Variants in KCNA3 observed in about 807,000 individuals in gnomAD.
KCNA3 encodes potassium voltage-gated channel subfamily A member 3.
KCNA3 carries 18 observed loss-of-function variants against 34.3 expected under a neutral mutation model. That is an observed-to-expected ratio of 0.52 (90% confidence interval 0.36 to 0.78). KCNA3 has a LOEUF of 0.78. KCNA3 is among the 30% of genes least tolerant of loss of function. The pLI, the probability that KCNA3 is intolerant of heterozygous loss-of-function variation, is 0.00. For missense variants in KCNA3, 587 were observed against 802.5 expected, an observed-to-expected ratio of 0.73 and a Z score of 3.24; for synonymous variants, 324 against 351.7, an observed-to-expected ratio of 0.92 and a Z score of 0.88.
the KCNA3 span, among the ~76,000 whole-genome samples, chr1:110,658,216 C>T: frequency 6.6e-6 from 1 of 152,158 alleles, no homozygotes; most frequent in Non-Finnish European, 1.5e-5. Flanking sequence ...GTTACTGATT[C>T]TCATACAATG....
In KCNA3 at chr1:110,672,942, G is replaced by A. The variant is rs1019643501; in HGVS notation, c.*140C>T. Reference sequence around the variant, plus strand: ...GTTTCAGTATGAAGCAGCAGGGAGAGGGAGAATGAAGTGTGCTTTCCACTT... The same window carrying A: ...GTTTCAGTATGAAGCAGCAGGGAGAAGGAGAATGAAGTGTGCTTTCCACTT... On this transcript the variant is annotated 3_prime_UTR_variant, in exon 1 of 1. Transcript: ENST00000369769. The A allele has an allele frequency of 1.2e-6, 1 of 837,228 alleles. No homozygotes were observed. Among genetic ancestry groups the A allele is most frequent in the Admixed American group, 2.5e-5 (1 of 39,594 alleles). The allele number at this position is 837,228 out of a possible 1,614,324, so 51.9% of individuals were successfully genotyped here.
the KCNA3 span, among the ~76,000 whole-genome samples, chr1:110,657,659 C>G: frequency 6.6e-6 from 1 of 152,118 alleles, no homozygotes; most frequent in African/African-American, 2.4e-5. Flanking sequence ...GAAACTGTAA[C>G]CTGTAATAAT....
the KCNA3 span, among the ~76,000 whole-genome samples, chr1:110,665,127 T>C: frequency 6.6e-6 from 1 of 152,188 alleles, no homozygotes; most frequent in African/African-American, 2.4e-5. Context: ...CTGTGTGAAA[T>C]GGGGTGCCAA....
chr1:110,673,028 C>G lies in KCNA3; in HGVS notation c.*54G>C, dbSNP rs1651944115. ...GTATAAAACAAGGGCATAGGCAGAC[C>G]AAGGGGGCACGTTCCACACAATACT... On this transcript the variant is annotated 3_prime_UTR_variant, in exon 1 of 1. Coordinates refer to ENST00000369769, the MANE Select transcript of KCNA3 (RefSeq NM_002232.5). The surrounding 1 kb of genome is among the most constrained non-coding windows in gnomAD (Gnocchi z 8.8). The G allele has an allele frequency of 2.0e-6, 3 of 1,529,310 alleles. No individual in the cohort carries two copies. In the Admixed American group the frequency reaches 5.5e-5, roughly 28 times the overall value. 94.7% of individuals were successfully genotyped at this position (1,529,310 alleles called of 1,614,324 possible). A position where few individuals can be genotyped will look rare whatever the true frequency, so the allele number is the denominator to read the frequency against.
chr1:110,669,123 T>C (rs563377113), downstream of KCNA3, among the ~76,000 whole-genome samples: 8 of 152,314 alleles, frequency 5.3e-5, no homozygotes, highest in African/African-American at 1.9e-4. Flanking sequence ...TCATTCTGCT[T>C]TTAATACTTC....
At position 110,674,597 on chromosome 1, in the gene KCNA3, C is replaced by T. The variant is rs761457666; in HGVS notation, c.213G>A (p.Gly71=). ...CGCCACAGCCGCCTTGAGGCGGGGC[C>T]CCTCCACCATCGGCCACCTCCGGCT... The part of the protein sequence containing the change: ...LLEPEVADGG[G]APPQGGCGGG... The change falls in exon 1 of 1, where the codon GGG becomes GGA. Residue 71 remains glycine (G), a synonymous_variant. Coordinates refer to ENST00000369769, the MANE Select transcript of KCNA3 (RefSeq NM_002232.5). This position sits in a 1 kb window ranked among gnomAD's most constrained non-coding sequence, Gnocchi z 6.4. 1.3e-6 allele frequency: 2 copies of T among 1,567,022 alleles called. No homozygotes were observed. The highest frequency in any genetic ancestry group is 2.3e-5 in the South Asian group (2 of 85,818).
chr1:110,665,841 T>C, the KCNA3 span, among the ~76,000 whole-genome samples: 2 of 152,058 alleles, frequency 1.3e-5, no homozygotes, highest in African/African-American at 4.8e-5. Flanking sequence ...TTCTGATAGG[T>C]CAAATTGAAA....
Position 110,673,989 on chromosome 1 carries a change from A to T in KCNA3, c.821T>A (p.Phe274Tyr). 1 of 1,613,740 alleles carries T rather than the reference A, an allele frequency of 6.2e-7. No homozygotes were observed. Among genetic ancestry groups the T allele is most frequent in the Non-Finnish European group, 8.5e-7 (1 of 1,179,928 alleles). Residue 274 changes from phenylalanine (F) to tyrosine (Y), a missense_variant, in exon 1 of 1, where the codon TTC (phenylalanine) becomes TAC (tyrosine). Transcript: ENST00000369769. This position sits in a 1 kb window ranked among gnomAD's most constrained non-coding sequence, Gnocchi z 8.8. ...CGACGTGCTGTTGCCGGCTGCTTCG[A>T]ATGAGTCCTGCGACGTCGAGGCGGG... Reference protein sequence around the residue: ...DYPASTSQDSFEAAGNSTSGS... With the variant: ...DYPASTSQDSYEAAGNSTSGS...
chr1:110,663,504 G>A, the KCNA3 span, among the ~76,000 whole-genome samples: 1 of 152,148 alleles, frequency 6.6e-6, no homozygotes, highest in Non-Finnish European at 1.5e-5. Context: ...CTCTGGTCTG[G>A]TTTGCCTGAA....
chr1:110,673,163 C>T lies in KCNA3; in HGVS notation c.1647G>A (p.Thr549=), dbSNP rs1272778766. Residue 549 remains threonine (T), a synonymous_variant, in exon 1 of 1, where the codon ACG becomes ACA. Transcript: ENST00000369769. The surrounding 1 kb of genome is among the most constrained non-coding windows in gnomAD (Gnocchi z 8.8). Reference sequence around the variant, plus strand: ...TGGTGCAGGTGGCAGTGGAATTGCCCGTTTTGAAAGGGGTCTGGGGGAAAG... The same window carrying T: ...TGGTGCAGGTGGCAGTGGAATTGCCTGTTTTGAAAGGGGTCTGGGGGAAAG... ...HSAFPQTPFK[T]GNSTATCTTN... The T allele has an allele frequency of 2.5e-6, 4 of 1,614,026 alleles. No individual in the cohort carries two copies. The highest frequency in any genetic ancestry group is 1.1e-5 in the South Asian group (1 of 91,054).
downstream of KCNA3, among the ~76,000 whole-genome samples, chr1:110,669,407 T>TC (rs372857508): frequency 2.6e-5 from 4 of 152,212 alleles, no homozygotes; most frequent in African/African-American, 9.6e-5. Flanking sequence ...AAAATAATCT[T>TC]TTGTTATTAG....
At chr1:110,665,794 G>T in the KCNA3 span, among the ~76,000 whole-genome samples, 3 of 152,168 alleles carry the variant, frequency 2.0e-5, no homozygotes, top group African/African-American at 7.2e-5. Flanking sequence ...AATGAAGACA[G>T]TCTTCTTAGG....
rs1269316794 is a variant in KCNA3, at chr1:110,674,168, G to A, written c.642C>T (p.Arg214=). The A allele has an allele frequency of 3.1e-6, 5 of 1,612,132 alleles. No homozygotes were observed. The highest frequency in any genetic ancestry group is 4.2e-6 in the Non-Finnish European group (5 of 1,178,852). The stretch of plus-strand genomic sequence containing the variant: ...GCAGCCACACCTGGCGCTGGAAGTC[G>A]CGGCGGGGCAAGGGCCGCTCCTCCT... ...LREEERPLPR[R]DFQRQVWLLF... Residue 214 remains arginine, a synonymous_variant, in exon 1 of 1, where the codon CGC becomes CGT. Coordinates refer to ENST00000369769, the MANE Select transcript of KCNA3 (RefSeq NM_002232.5). This position sits in a 1 kb window ranked among gnomAD's most constrained non-coding sequence, Gnocchi z 6.4.
rs750044802 is a variant in KCNA3 at position 110,674,690 on chromosome 1, G to T, written c.120C>A (p.Tyr40Ter). 1.7e-5 allele frequency: 26 copies of T among 1,499,286 alleles called. No homozygotes were observed. In the African/African-American group the frequency reaches 3.5e-4, roughly 20 times the overall value. 92.9% of individuals were successfully genotyped at this position (1,499,286 alleles called of 1,614,324 possible). A position where few individuals can be genotyped will look rare whatever the true frequency, so the allele number is the denominator to read the frequency against. ...GCTCGCGGCCTGCGGCGGGCTCCGC[G>T]TAGCCGTGGTTCACCAGCGTGTGGG... ...GGAHTLVNHG[Y>*]AEPAAGRELP... Residue 40 changes from tyrosine to a stop codon, truncating the protein, a stop_gained, in exon 1 of 1, where the codon TAC becomes TAA. Coordinates refer to ENST00000369769, the MANE Select transcript of KCNA3 (RefSeq NM_002232.5). LOFTEE classifies it high-confidence loss of function. The surrounding 1 kb of genome is among the most constrained non-coding windows in gnomAD (Gnocchi z 6.4).
chr1:110,665,628 G>T, the KCNA3 span, among the ~76,000 whole-genome samples: 2 of 152,182 alleles, frequency 1.3e-5, no homozygotes, highest in Non-Finnish European at 2.9e-5. Flanking sequence ...GAGAGATCTA[G>T]CTGGGAGATA....
chr1:110,668,243 A>G (rs1227342685), downstream of KCNA3, among the ~76,000 whole-genome samples: 2 of 152,146 alleles, frequency 1.3e-5, no homozygotes, highest in Admixed American at 6.6e-5. Flanking sequence ...CAGTGTTTCC[A>G]TAAGTCTTCA....
At chr1:110,654,040 A>C in the KCNA3 span, 1 of 152,196 alleles carries the variant, frequency 6.6e-6, no homozygotes, top group African/African-American at 2.4e-5. Flanking sequence ...GTTGACTTAC[A>C]AGGGAAAGCA....
rs1651937580 is a variant in KCNA3 at position 110,672,863 on chromosome 1, T to C, written c.*219A>G. On this transcript the variant is annotated 3_prime_UTR_variant, in exon 1 of 1. Transcript: ENST00000369769. ...GTTTACAATGTTAAGAGAGAGAGGG[T>C]AAGAGGGAAAAGGAGAGCTGAGAGA... The C allele has an allele frequency of 3.7e-6, 2 of 541,004 alleles. No homozygotes were observed. The highest frequency in any genetic ancestry group is 3.3e-6 in the Non-Finnish European group (1 of 305,932). 33.5% of individuals were successfully genotyped at this position (541,004 alleles called of 1,614,324 possible). A position where few individuals can be genotyped will look rare whatever the true frequency, so the allele number is the denominator to read the frequency against.
At chr1:110,661,602 G>C in the KCNA3 span, among the ~76,000 whole-genome samples, 87,224 of 152,020 alleles carry the variant, frequency 0.57, 25,106 homozygotes, top group Middle Eastern at 0.6. Flanking sequence ...ACCTTGAGAA[G>C]TCTGCATTAA....
Sources: gnomAD v4.1 joint callset for allele counts (sites outside exome capture counted in the v4.1 genomes callset) on GRCh38, gnomAD v4.1.1 for gene constraint, Gnocchi (gnomAD v3.1) non-coding constraint, MANE v1.5 for transcripts, NCBI Gene and HGNC (gene_info 2026-07-23, HGNC 2026-07-21) for gene names.